The following NRCAM variants were observed in gnomAD, a reference collection of about 807,000 sequenced individuals.
NRCAM encodes the protein neuronal cell adhesion molecule, also known as NgCAM-related cell adhesion molecule.
NRCAM carries 83 observed loss-of-function variants against 156.5 expected under a neutral mutation model. That is an observed-to-expected ratio of 0.53 (90% CI 0.44 to 0.64). The LOEUF (loss-of-function observed/expected upper bound fraction) is 0.64. NRCAM is among the 30% of genes least tolerant of loss of function. NRCAM has a pLI of 0.00. For missense variants in NRCAM, 1,417 were observed against 1,597.3 expected (o/e 0.89, Z 1.92); for synonymous variants, 538 against 563.9 (o/e 0.95, Z 0.65).
chr7:108,191,271 G>C lies in NRCAM; in HGVS notation c.1916C>G (p.Thr639Ser), dbSNP rs1377210245. 1 of 1,605,012 alleles carries C rather than the reference G, an allele frequency of 6.2e-7. No homozygotes were observed. Among genetic ancestry groups the C allele is most frequent in the Non-Finnish European group, 8.5e-7 (1 of 1,175,016 alleles). ...AVLSVVAPTP[T>S]PAPVYDVPNP... ...TAGTTTACCGTAAACGGGAGCTGGA[G>C]TTGGAGTAGGAGCTAGAAAGGACAT... The change falls in exon 19 of 33, where the codon ACT becomes AGT. Residue 639 changes from threonine (T) to serine (S), a missense_variant. Coordinates refer to ENST00000379028, the MANE Select transcript of NRCAM (RefSeq NM_001037132.4).
chr7:108,409,942 T>C (rs971074379), intron 1 of NRCAM, among the ~76,000 whole-genome samples: 5 of 152,202 alleles, frequency 3.3e-5, no homozygotes, highest in African/African-American at 1.2e-4. Flanking sequence ...TGTATTTGAA[T>C]GATTGATTTC....
At chr7:108,255,456 G>A (rs555984316) in intron 3 of NRCAM, among the ~76,000 whole-genome samples, 3 of 152,296 alleles carry the variant, frequency 2.0e-5, no homozygotes, top group Admixed American at 6.5e-5. Context: ...ACGGAGTCTC[G>A]CTCACTCAGT....
At chr7:108,339,918 C>T (rs1185413575) in intron 2 of NRCAM, among the ~76,000 whole-genome samples, 1 of 152,152 alleles carries the variant, frequency 6.6e-6, no homozygotes, top group Non-Finnish European at 1.5e-5. Flanking sequence ...TGCATTACCT[C>T]CTGGCCACAA....
chr7:108,272,778 G>A (rs2097415621), intron 3 of NRCAM, among the ~76,000 whole-genome samples: 4 of 151,590 alleles, frequency 2.6e-5, no homozygotes, highest in African/African-American at 7.3e-5. Flanking sequence ...TATACTTTAA[G>A]TTCTAGGGTA....
chr7:108,329,222 T>C lies in NRCAM; in HGVS notation c.-173-16491A>G, dbSNP rs967405605. On this transcript the variant is annotated intron_variant, in intron 2 of 32. Coordinates refer to ENST00000379028, the MANE Select transcript of NRCAM (RefSeq NM_001037132.4). ...AACATGTTGCTTATTATTCTTCTTC[T>C]AAGCCAGATGCTATTGGTACCTAAG... Among the ~76,000 whole-genome samples the C allele has an allele frequency of 2.0e-5, 3 of 152,232 alleles. No individual in the cohort carries two copies. The East Asian group carries it at 5.8e-4, about 29-fold the overall frequency.
At chr7:108,445,625 A>AG (rs1165940997) in intron 1 of NRCAM, among the ~76,000 whole-genome samples, 1 of 152,126 alleles carries the variant, frequency 6.6e-6, no homozygotes, top group African/African-American at 2.4e-5. Context: ...GTGGTGACAA[A>AG]GATTTTGTGT....
chr7:108,159,417 G>A, intron 32 of NRCAM, 46 bp downstream of exon 32: 1 of 1,506,850 alleles, frequency 6.6e-7, no homozygotes, highest in East Asian at 2.3e-5. Flanking sequence ...TCGGGACTGT[G>A]TTCATGTGGG....
intron 3 of NRCAM, among the ~76,000 whole-genome samples, chr7:108,242,567 A>C (rs1036105784): frequency 2.0e-5 from 3 of 152,230 alleles, no homozygotes; most frequent in Non-Finnish European, 4.4e-5. Context: ...TTTTGAATTC[A>C]CATAAGCTTT....
chr7:108,180,267 TC>T lies in NRCAM; in HGVS notation c.2806del (p.Glu936ArgfsTer23). The T allele has an allele frequency of 1.2e-6, 2 of 1,614,176 alleles. No individual in the cohort carries two copies. Among genetic ancestry groups the T allele is most frequent in the Non-Finnish European group, 1.7e-6 (2 of 1,180,016 alleles). ...LNVRVVNGKG[E>X]GPASPDRVFN... ...GACTCTGTCAGGGCTGGCTGGGCCC[TC>T]CCCTTTCCCATTGACCACTCGGACA... is the stretch of plus-strand genomic sequence containing the variant. On this transcript the variant is annotated frameshift_variant, in exon 25 of 33. Transcript: ENST00000379028. LOFTEE classifies it high-confidence loss of function.
intron 20 of NRCAM, among the ~76,000 whole-genome samples, chr7:108,189,194 A>G (rs1253220159): frequency 6.6e-6 from 1 of 152,134 alleles, no homozygotes; most frequent in Non-Finnish European, 1.5e-5. Flanking sequence ...AGAACCTGTT[A>G]TCTACGCCCA....
At position 108,367,986 on chromosome 7, in the gene NRCAM, C is replaced by T. The variant is rs553498019; in HGVS notation, c.-174+31450G>A. Among the ~76,000 whole-genome samples the T allele has an allele frequency of 3.9e-5, 6 of 152,154 alleles. No individual in the cohort carries two copies. The South Asian group carries it at 6.2e-4, about 16-fold the overall frequency. ...TCGTGTTTAGGGAAGTAGTTCGAAT[C>T]GTCTCATTCCTCAATATCACCATTA... is the stretch of plus-strand genomic sequence containing the variant. On this transcript the variant is annotated intron_variant, in intron 2 of 32. Coordinates refer to ENST00000379028, the MANE Select transcript of NRCAM (RefSeq NM_001037132.4).
At chr7:108,424,001 C>A (rs1476910680) in intron 1 of NRCAM, among the ~76,000 whole-genome samples, 1 of 152,270 alleles carries the variant, frequency 6.6e-6, no homozygotes, top group Non-Finnish European at 1.5e-5. Flanking sequence ...CCATGTGCTT[C>A]TCCCTCTCTT....
At chr7:108,361,781 G>A (rs1017271355) in intron 2 of NRCAM, among the ~76,000 whole-genome samples, 5 of 151,996 alleles carry the variant, frequency 3.3e-5, no homozygotes, top group South Asian at 2.1e-4. Context: ...GTAAATGTAC[G>A]TATATATGTA....
intron 3 of NRCAM, among the ~76,000 whole-genome samples, chr7:108,296,495 T>C (rs191683709): frequency 3.3e-5 from 5 of 152,054 alleles, no homozygotes; most frequent in Non-Finnish European, 7.4e-5. Context: ...ACTGAAGCAG[T>C]AGCAACTCAA....
At chr7:108,274,694 A>G (rs1232931448) in intron 3 of NRCAM, among the ~76,000 whole-genome samples, 1 of 152,186 alleles carries the variant, frequency 6.6e-6, no homozygotes, top group African/African-American at 2.4e-5. Context: ...AACAAAGACA[A>G]TTTGACTTCC....
chr7:108,285,983 G>C (rs768877287), intron 3 of NRCAM, among the ~76,000 whole-genome samples: 3 of 152,136 alleles, frequency 2.0e-5, no homozygotes, highest in Non-Finnish European at 2.9e-5. Flanking sequence ...ACAGTTTCTG[G>C]AAAGGGTCAA....
chr7:108,451,981 GC>G, intron 1 of NRCAM, among the ~76,000 whole-genome samples: 1 of 152,252 alleles, frequency 6.6e-6, no homozygotes, highest in African/African-American at 2.4e-5. Context: ...AAAAAACTTA[GC>G]AAAAACATTT....
chr7:108,181,935 G>T lies in NRCAM; in HGVS notation c.2533C>A (p.Pro845Thr), dbSNP rs1437661631. ...VVMGHSGEDL[P>T]MVAPGNVRVN... is the part of the protein sequence containing the mutation. The stretch of plus-strand genomic sequence containing the variant: ...CGCACGTTCCCAGGAGCCACCATTG[G>T]GACTAGGAAAAGGACAGGGAAGTGG... Residue 845 changes from proline (P) to threonine (T), a missense_variant and splice_region_variant, in exon 24 of 33, where the codon CCA becomes ACA. By Grantham distance (38) the Pro-to-Thr change is conservative. Around this residue, in one of 2 missense-constraint regions of NRCAM, gnomAD observed 1,238 missense variants for 1,336.4 expected, o/e 0.93. Transcript: ENST00000379028. 1 of 1,610,630 alleles carries T rather than the reference G, an allele frequency of 6.2e-7. No homozygotes were observed. The highest frequency in any genetic ancestry group is 8.5e-7 in the Non-Finnish European group (1 of 1,177,172).
intron 2 of NRCAM, among the ~76,000 whole-genome samples, chr7:108,344,454 G>A (rs2099329426): frequency 6.6e-6 from 1 of 151,956 alleles, no homozygotes; most frequent in African/African-American, 2.4e-5. Flanking sequence ...CCTTTTGCAT[G>A]GGAGCTCTGT....
Sources: gnomAD v4.1 joint callset for allele counts (sites outside exome capture counted in the v4.1 genomes callset) on GRCh38, gnomAD v4.1.1 for gene constraint, gnomAD v4.1.1 regional missense constraint, MANE v1.5 for transcripts, NCBI Gene and HGNC (gene_info 2026-07-23, HGNC 2026-07-21) for gene names.